Variants in PIEZO2 observed in about 807,000 individuals in gnomAD.
PIEZO2 encodes piezo-type mechanosensitive ion channel component 2.
A neutral mutation model predicts 337.3 loss-of-function variants in PIEZO2; 172 were observed. That is an observed-to-expected ratio of 0.51 (90% CI 0.45 to 0.58). PIEZO2 has a LOEUF of 0.58. PIEZO2 is among the 20% of genes least tolerant of loss of function. The pLI is 0.00. For synonymous variants in PIEZO2, 1,251 were observed against 1,228.5 expected (o/e 1.02, Z -0.38); for missense variants, 3,028 against 3,391.3 (o/e 0.89, Z 2.66).
chr18:10,990,273 G>A (rs1292896928), intron 2 of PIEZO2, among the ~76,000 whole-genome samples: 2 of 152,178 alleles, frequency 1.3e-5, no homozygotes, highest in Admixed American at 6.5e-5. Context: ...TATTTTAAAT[G>A]TGTGTGAGAC....
At position 10,770,104 on chromosome 18, in the gene PIEZO2, C is replaced by T. The variant is rs567682918; in HGVS notation, c.2946+44G>A. On this transcript the variant is annotated intron_variant, in intron 21 of 55. Transcript: ENST00000674853. ...GCTGGAAAAGGAAAATGATGACCTACTGTGGTTCTGTTCAGCCTGATGATA... is the reference window on the plus strand; with the variant it reads ...GCTGGAAAAGGAAAATGATGACCTATTGTGGTTCTGTTCAGCCTGATGATA... 33 of 1,526,000 alleles carry T rather than the reference C, an allele frequency of 2.2e-5. 1 individual carries two copies. The South Asian group carries it at 2.2e-4, about 10-fold the overall frequency. The allele number at this position is 1,526,000 out of a possible 1,614,324, so 94.5% of individuals were successfully genotyped here.
Position 10,759,076 on chromosome 18 carries a change from A to C in PIEZO2, c.3757+406T>G, listed in dbSNP as rs993030435. Among the ~76,000 whole-genome samples the C allele has an allele frequency of 1.3e-5, 2 of 152,158 alleles. No individual in the cohort carries two copies. Among genetic ancestry groups the C allele is most frequent in the African/African-American group, 4.8e-5 (2 of 41,440 alleles). Reference sequence around the variant, plus strand: ...ATTCTAGAGCAACTAAAATCTGGGAAGCATCTCCCAGCATCCACTGTCCCA... The same window carrying C: ...ATTCTAGAGCAACTAAAATCTGGGACGCATCTCCCAGCATCCACTGTCCCA... On this transcript the variant is annotated intron_variant, in intron 26 of 55. Transcript: ENST00000674853. This position sits in a 1 kb window ranked among gnomAD's most constrained non-coding sequence, Gnocchi z 5.5.
rs2145568797 is a variant in PIEZO2 at position 10,993,822 on chromosome 18, T to C, written c.161-14162A>G. Among the ~76,000 whole-genome samples the C allele has an allele frequency of 6.6e-6, 1 of 152,292 alleles. No homozygotes were observed. Among genetic ancestry groups the C allele is most frequent in the African/African-American group, 2.4e-5 (1 of 41,542 alleles). Reference sequence around the variant, plus strand: ...GATTACAGGCGTGAGCCACCGCTCCTGGCCATGTCTCTGCTTTTTTTTTAT... The same window carrying C: ...GATTACAGGCGTGAGCCACCGCTCCCGGCCATGTCTCTGCTTTTTTTTTAT... On this transcript the variant is annotated intron_variant, in intron 2 of 55. Coordinates refer to ENST00000674853, the MANE Select transcript of PIEZO2 (RefSeq NM_001378183.1). The surrounding 1 kb of genome is among the most constrained non-coding windows in gnomAD (Gnocchi z 5.0).
intron 44 of PIEZO2, 105 bp from the exon 45 acceptor site, chr18:10,697,985 A>C: frequency 2.4e-5 from 14 of 588,108 alleles, no homozygotes; most frequent in Non-Finnish European, 2.6e-5. Context: ...GGGATAGCTC[A>C]GGACTGTTTG....
intron 4 of PIEZO2, among the ~76,000 whole-genome samples, chr18:10,891,216 T>C (rs1399156685): frequency 6.6e-6 from 1 of 152,024 alleles, no homozygotes; most frequent in Non-Finnish European, 1.5e-5. Context: ...CCCAGCTACT[T>C]GGGAGACTGA....
chr18:10,700,885 C>T (rs1567963098), intron 43 of PIEZO2, among the ~76,000 whole-genome samples: 1 of 152,186 alleles, frequency 6.6e-6, no homozygotes, highest in East Asian at 1.9e-4. Context: ...CCTGCCACAA[C>T]CCAATGACCC....
At chr18:11,041,252 A>G (rs927386843) in intron 2 of PIEZO2, among the ~76,000 whole-genome samples, 4 of 152,226 alleles carry the variant, frequency 2.6e-5, no homozygotes, top group Non-Finnish European at 4.4e-5. Context: ...TGCAAAATTC[A>G]AAGTTCAGAG....
intron 4 of PIEZO2, chr18:10,890,495 G>A (rs1185153449): frequency 1.3e-5 from 2 of 152,176 alleles, no homozygotes; most frequent in Non-Finnish European, 2.9e-5. Flanking sequence ...AGCATGGCTG[G>A]GGAGGCCTCA....
rs1474312621 is a variant in PIEZO2 at position 10,773,445 on chromosome 18, C to T, written c.2752G>A (p.Glu918Lys). The T allele has an allele frequency of 6.5e-7, 1 of 1,537,310 alleles. No individual in the cohort carries two copies. The highest frequency in any genetic ancestry group is 1.4e-5 in the African/African-American group (1 of 73,052). ...SEESEEDGEE[E>K]EESEEEEETS... is the part of the protein sequence containing the mutation. ...TCTTCCTCCTCCTCGGATTCCTCCT[C>T]TTCCTCTCCGTCCTCCTCTGACTCC... The change falls in exon 20 of 56, where the codon GAG (glutamate) becomes AAG (lysine). Residue 918 changes from glutamate (E) to lysine (K), a missense_variant. Glu to Lys is a moderately conservative substitution (Grantham distance 56). Coordinates refer to ENST00000674853, the MANE Select transcript of PIEZO2 (RefSeq NM_001378183.1). This position sits in a 1 kb window ranked among gnomAD's most constrained non-coding sequence, Gnocchi z 5.3.
chr18:10,748,662 A>G lies in PIEZO2; in HGVS notation c.4265-32T>C. The G allele has an allele frequency of 7.2e-7, 1 of 1,396,618 alleles. No homozygotes were observed. The highest frequency in any genetic ancestry group is 3.3e-5 in the Admixed American group (1 of 30,552). The allele number at this position is 1,396,618 out of a possible 1,614,324, so 86.5% of individuals were successfully genotyped here. A position where few individuals can be genotyped will look rare whatever the true frequency, so the allele number is the denominator to read the frequency against. Reference sequence around the variant, plus strand: ...TAACAGTAGAAAAACACACATTAAAATTAACATCCATTTTCATTGTAATTT... The same window carrying G: ...TAACAGTAGAAAAACACACATTAAAGTTAACATCCATTTTCATTGTAATTT... On this transcript the variant is annotated intron_variant, in intron 29 of 55. Transcript: ENST00000674853. The surrounding 1 kb of genome is among the most constrained non-coding windows in gnomAD (Gnocchi z 5.1).
Position 11,038,201 on chromosome 18 carries a change from C to T in PIEZO2, c.160+27926G>A, listed in dbSNP as rs1395407849. ...CTCTAGGTCCTAGTCACCAGAACCA[C>T]TATACAGTAACACAGCCATAAAAAT... is the stretch of plus-strand genomic sequence containing the variant. On this transcript the variant is annotated intron_variant, in intron 2 of 55. Coordinates refer to ENST00000674853, the MANE Select transcript of PIEZO2 (RefSeq NM_001378183.1). This position sits in a 1 kb window ranked among gnomAD's most constrained non-coding sequence, Gnocchi z 4.1. Among the ~76,000 whole-genome samples, 1 of 152,148 alleles carries T rather than the reference C, an allele frequency of 6.6e-6. No individual in the cohort carries two copies. The highest frequency in any genetic ancestry group is 2.4e-5 in the African/African-American group (1 of 41,428).
chr18:10,706,069 C>T (rs1260996485), intron 40 of PIEZO2, among the ~76,000 whole-genome samples: 2 of 152,074 alleles, frequency 1.3e-5, no homozygotes, highest in African/African-American at 4.8e-5. Flanking sequence ...AGTCTGTTGC[C>T]ATATCAACAC....
At position 10,697,844 on chromosome 18, in the gene PIEZO2, C is replaced by T. The variant is rs1378533251; in HGVS notation, c.6731G>A (p.Ser2244Asn). ...TSTRNSSQKGSSVLSIKQKGK... is the reference protein window; with the variant it reads ...TSTRNSSQKGNSVLSIKQKGK... The stretch of plus-strand genomic sequence containing the variant: ...TTTTTGCTTAATACTCAAAACACTG[C>T]TTCCTTTTTGACTGCTGTTTCGGGT... Residue 2244 changes from serine to asparagine, a missense_variant, in exon 45 of 56, where the codon AGC (serine) becomes AAC (asparagine). Transcript: ENST00000674853. The T allele has an allele frequency of 1.2e-6, 2 of 1,614,080 alleles. No homozygotes were observed. The highest frequency in any genetic ancestry group is 8.5e-7 in the Non-Finnish European group (1 of 1,179,948).
chr18:11,092,495 G>A lies in PIEZO2; in HGVS notation c.65-26273C>T, dbSNP rs760525389. Among the ~76,000 whole-genome samples the A allele has an allele frequency of 3.3e-5, 5 of 152,132 alleles. No homozygotes were observed. The highest frequency in any genetic ancestry group is 5.9e-5 in the Non-Finnish European group (4 of 68,006). On this transcript the variant is annotated intron_variant, in intron 1 of 55. Transcript: ENST00000674853. This position sits in a 1 kb window ranked among gnomAD's most constrained non-coding sequence, Gnocchi z 4.5. Reference sequence around the variant, plus strand: ...ATAGTTTAGAAACGATTTGTATTCCGTGGTTACAGATTTTAGTCTATATTT... The same window carrying A: ...ATAGTTTAGAAACGATTTGTATTCCATGGTTACAGATTTTAGTCTATATTT...
chr18:11,138,177 T>C (rs2040542630), intron 1 of PIEZO2, among the ~76,000 whole-genome samples: 1 of 152,254 alleles, frequency 6.6e-6, no homozygotes, highest in African/African-American at 2.4e-5. Flanking sequence ...ATTTCTTCAG[T>C]GTTCCTGTGT....
chr18:11,034,601 A>T (rs1394638827), intron 2 of PIEZO2, among the ~76,000 whole-genome samples: 2 of 152,006 alleles, frequency 1.3e-5, no homozygotes, highest in Non-Finnish European at 2.9e-5. Flanking sequence ...TAAATGTAAC[A>T]TTTCTTAGTC....
intron 36 of PIEZO2, among the ~76,000 whole-genome samples, 184 bp downstream of exon 36, chr18:10,731,223 T>A: frequency 7.4e-6 from 1 of 135,674 alleles, no homozygotes; most frequent in Non-Finnish European, 1.6e-5. Context: ...ATATATCTCC[T>A]AACTTTGTGC....
intron 44 of PIEZO2, 77 bp from the exon 45 acceptor site, chr18:10,697,957 C>T: frequency 6.6e-7 from 1 of 1,509,950 alleles, no homozygotes. Context: ...AAGCAGAACC[C>T]AGAGCCCACA....
intron 2 of PIEZO2, among the ~76,000 whole-genome samples, chr18:10,996,586 G>A (rs1446349525): frequency 6.6e-6 from 1 of 152,164 alleles, no homozygotes; most frequent in Non-Finnish European, 1.5e-5. Context: ...CATACAGTAT[G>A]TGGCCTTTTG....
Sources: gnomAD v4.1 joint callset for allele counts (sites outside exome capture counted in the v4.1 genomes callset) on GRCh38, gnomAD v4.1.1 for gene constraint, Gnocchi (gnomAD v3.1) non-coding constraint, MANE v1.5 for transcripts, NCBI Gene and HGNC (gene_info 2026-07-23, HGNC 2026-07-21) for gene names.